Variants in PIK3R3 observed in about 807,000 individuals in gnomAD.
The protein encoded by PIK3R3 is phosphatidylinositol 3-kinase regulatory subunit gamma.
A neutral mutation model predicts 62.9 loss-of-function variants in PIK3R3; 64 were observed. The ratio of observed to expected loss-of-function variants is 1.02; its 90% CI spans 0.83 to 1.25. PIK3R3 has a LOEUF of 1.25. PIK3R3 is among the 50% of genes most tolerant of loss of function. The probability of loss-of-function intolerance (pLI) is 0.00; values close to 1 mark genes in which losing one functional copy is unlikely to be tolerated. For missense variants in PIK3R3, 614 were observed against 561.6 expected, an observed-to-expected ratio of 1.09 and a Z score of -0.94; for synonymous variants, 165 against 189.0, an observed-to-expected ratio of 0.87 and a Z score of 1.04.
chr1:46,100,564 C>T (rs561965143), intron 1 of PIK3R3, among the ~76,000 whole-genome samples: 22 of 152,256 alleles, frequency 1.4e-4, no homozygotes, highest in African/African-American at 5.3e-4. Context: ...ATGTGAAAGA[C>T]TAAGTGCTCC....
At position 46,046,587 on chromosome 1, in the gene PIK3R3, T is replaced by C; in HGVS notation, c.980A>G (p.Asn327Ser). ...NHKGVRQKRLNVWLGIKNEDA... is the reference protein window; with the variant it reads ...NHKGVRQKRLSVWLGIKNEDA... ...CTCATTCTTAATTCCCAGCCAGACA[T>C]TCAGGCGTTTCTGTCTCACTCCTTT... is the stretch of plus-strand genomic sequence containing the variant. Residue 327 changes from asparagine to serine, a missense_variant, in exon 8 of 10, where the codon AAT becomes AGT. By Grantham distance (46) the Asn-to-Ser change is conservative (BLOSUM62 1). Coordinates refer to ENST00000262741, the MANE Select transcript of PIK3R3 (RefSeq NM_003629.4). 1 of 1,613,730 alleles carries C rather than the reference T, an allele frequency of 6.2e-7. No individual in the cohort carries two copies. Among genetic ancestry groups the C allele is most frequent in the South Asian group, 1.1e-5 (1 of 91,074 alleles).
chr1:46,093,788 G>C (rs1651860252), intron 1 of PIK3R3, among the ~76,000 whole-genome samples: 1 of 150,626 alleles, frequency 6.6e-6, no homozygotes, highest in African/African-American at 2.4e-5. Context: ...CCAGGAGGCA[G>C]AGTTTGCAGT....
At chr1:46,095,659 T>TA (rs777521509) in intron 1 of PIK3R3, among the ~76,000 whole-genome samples, 4 of 152,094 alleles carry the variant, frequency 2.6e-5, no homozygotes, top group Non-Finnish European at 4.4e-5. Context: ...CCCCTGAACT[T>TA]AAAAGTAGAA....
chr1:46,105,763 G>C (rs992587317), intron 1 of PIK3R3, among the ~76,000 whole-genome samples: 3 of 151,684 alleles, frequency 2.0e-5, no homozygotes, highest in African/African-American at 7.3e-5. Context: ...GGGGTGGAAG[G>C]GGGAGGTGGG....
intron 1 of PIK3R3, among the ~76,000 whole-genome samples, chr1:46,130,116 T>C (rs1655448019): frequency 1.3e-5 from 2 of 152,184 alleles, no homozygotes; most frequent in South Asian, 4.1e-4. Flanking sequence ...CATAAGTGCA[T>C]TCTTCATTTT....
intron 3 of PIK3R3, among the ~76,000 whole-genome samples, chr1:46,070,324 G>C (rs1251831925): frequency 6.6e-6 from 1 of 152,200 alleles, no homozygotes; most frequent in Non-Finnish European, 1.5e-5. Context: ...TCATCCACTG[G>C]AACAGAAAAG....
upstream of PIK3R3, chr1:46,133,091 A>G (rs1655771112): frequency 8.3e-6 from 8 of 964,190 alleles, no homozygotes; most frequent in Non-Finnish European, 8.7e-6. Context: ...AAGGAGCGGG[A>G]GACGGCTGCG....
chr1:46,089,287 CAG>C (rs1312872406), intron 1 of PIK3R3, among the ~76,000 whole-genome samples: 1 of 151,968 alleles, frequency 6.6e-6, no homozygotes, highest in Admixed American at 6.6e-5. Context: ...GGATGAAGGG[CAG>C]TTTAGAGGGT....
At chr1:46,082,760 C>T (rs1200469335) in intron 1 of PIK3R3, among the ~76,000 whole-genome samples, 1 of 151,988 alleles carries the variant, frequency 6.6e-6, no homozygotes, top group African/African-American at 2.4e-5. Flanking sequence ...GAATATTTCC[C>T]CCCAAAGAGA....
intron 1 of PIK3R3, among the ~76,000 whole-genome samples, chr1:46,091,209 C>T (rs1651599998): frequency 6.7e-6 from 1 of 149,680 alleles, no homozygotes; most frequent in Non-Finnish European, 1.5e-5. Flanking sequence ...GGTGCAATCT[C>T]GGCTCACTGC....
rs538074952 is a variant in PIK3R3 at position 46,045,968 on chromosome 1, T to C, written c.1137A>G (p.Ala379=). 145 of 1,613,816 alleles carry C rather than the reference T, an allele frequency of 9.0e-5. 1 individual carries two copies. The South Asian group carries it at 1.5e-3, about 16-fold the overall frequency. ...EDLLYGKPDG[A]FLIRESSKKG... ...TCTTGCTACTCTCACGAATTAAGAA[T>C]GCACCATCAGGTTTCCCATAAAGCA... The change falls in exon 9 of 10, where the codon GCA becomes GCG. Residue 379 remains alanine (A), a synonymous_variant. Coordinates refer to ENST00000262741, the MANE Select transcript of PIK3R3 (RefSeq NM_003629.4).
At chr1:46,060,061 C>T (rs1196211993) in intron 6 of PIK3R3, among the ~76,000 whole-genome samples, 1 of 152,232 alleles carries the variant, frequency 6.6e-6, no homozygotes, top group Non-Finnish European at 1.5e-5. Context: ...AATCGCACCA[C>T]TGCACTCCAG....
the PIK3R3 span, among the ~76,000 whole-genome samples, chr1:46,142,391 T>C: frequency 6.6e-6 from 1 of 152,138 alleles, no homozygotes; most frequent in South Asian, 2.1e-4. Context: ...ACATCGCTCT[T>C]TGAGGACATT....
chr1:46,100,000 C>G (rs1288225330), intron 1 of PIK3R3, among the ~76,000 whole-genome samples: 2 of 152,170 alleles, frequency 1.3e-5, no homozygotes, highest in Non-Finnish European at 2.9e-5. Context: ...TTCCAATCTA[C>G]TGTCTTATTA....
chr1:46,132,975 G>A (rs1655760707), upstream of PIK3R3: 4 of 1,103,776 alleles, frequency 3.6e-6, no homozygotes, highest in Non-Finnish European at 4.5e-6. Flanking sequence ...CGCGAGCCAG[G>A]CGAGGAGGGA....
Position 46,045,978 on chromosome 1 carries a change from G to A in PIK3R3, c.1127C>T (p.Pro376Leu), listed in dbSNP as rs367802922. 19 of 1,613,352 alleles carry A rather than the reference G, an allele frequency of 1.2e-5. No individual in the cohort carries two copies. Among genetic ancestry groups the A allele is most frequent in the Middle Eastern group, 1.6e-4 (1 of 6,078 alleles). ...CTCACGAATTAAGAATGCACCATCA[G>A]GTTTCCCATAAAGCAAGTCCTCTGC... The part of the protein sequence containing the change: ...VQAEDLLYGK[P>L]DGAFLIRESS... The change falls in exon 9 of 10, where the codon CCT (proline) becomes CTT (leucine). Residue 376 changes from proline to leucine, a missense_variant. Physicochemically the swap from Pro to Leu is moderately conservative, Grantham distance 98. Coordinates refer to ENST00000262741, the MANE Select transcript of PIK3R3 (RefSeq NM_003629.4).
chr1:46,123,799 TA>T (rs1480322973), intron 1 of PIK3R3, among the ~76,000 whole-genome samples: 2 of 152,202 alleles, frequency 1.3e-5, no homozygotes, highest in Non-Finnish European at 2.9e-5. Flanking sequence ...AGAATACATA[TA>T]AAAGCATTTA....
chr1:46,060,343 A>T (rs1318366266), intron 6 of PIK3R3, among the ~76,000 whole-genome samples: 1 of 152,026 alleles, frequency 6.6e-6, no homozygotes, highest in Non-Finnish European at 1.5e-5. Context: ...ACCAAAAATT[A>T]GCCGGGCATG....
intron 1 of PIK3R3, among the ~76,000 whole-genome samples, chr1:46,110,988 T>C (rs1449984690): frequency 6.6e-6 from 1 of 152,052 alleles, no homozygotes; most frequent in African/African-American, 2.4e-5. Context: ...ATCCTGATCT[T>C]AGAGCCAAAC....
Sources: allele counts gnomAD v4.1 joint callset (sites outside exome capture counted in the v4.1 genomes callset), GRCh38; gene constraint gnomAD v4.1.1; transcripts MANE v1.5; gene names NCBI Gene and HGNC (gene_info 2026-07-23, HGNC 2026-07-21).